The following LARP1B variants were observed in gnomAD, a reference collection of about 807,000 sequenced individuals.
The protein encoded by LARP1B is La ribonucleoprotein 1B.
LARP1B carries 76 observed loss-of-function variants against 114.2 expected under a neutral mutation model. The ratio of observed to expected loss-of-function variants is 0.67; its 90% CI spans 0.55 to 0.81. The LOEUF is 0.81. Among genes scored for constraint, LARP1B ranks in the 30% least tolerant of loss-of-function variants. LARP1B has a pLI of 0.00. For synonymous variants in LARP1B, 345 were observed against 348.0 expected, an observed-to-expected ratio of 0.99 and a Z score of 0.10; for missense variants, 1,014 against 1,075.8, an observed-to-expected ratio of 0.94 and a Z score of 0.80.
At chr4:128,169,378 G>T (rs1742546383) in intron 12 of LARP1B, among the ~76,000 whole-genome samples, 1 of 151,722 alleles carries the variant, frequency 6.6e-6, no homozygotes, top group Non-Finnish European at 1.5e-5. Flanking sequence ...CACCTAAGCA[G>T]TATTTTAGGT....
chr4:128,146,165 G>A (rs1380773403), intron 11 of LARP1B, among the ~76,000 whole-genome samples: 1 of 152,102 alleles, frequency 6.6e-6, no homozygotes, highest in Non-Finnish European at 1.5e-5. Flanking sequence ...TGTATCTTTT[G>A]TAGAGAAACT....
intron 11 of LARP1B, among the ~76,000 whole-genome samples, chr4:128,159,127 C>T (rs973193695): frequency 2.7e-5 from 4 of 148,942 alleles, no homozygotes; most frequent in Non-Finnish European, 4.4e-5. Flanking sequence ...GAGCTGTGGT[C>T]GTACCACTGC....
rs529630306 is a variant in LARP1B at position 128,127,881 on chromosome 4, A to G, written c.1524+5693A>G. On this transcript the variant is annotated intron_variant, in intron 11 of 19. Coordinates refer to ENST00000326639, the MANE Select transcript of LARP1B (RefSeq NM_018078.4). ...AGGACTCATATTTTATGATTTCAAA[A>G]CTTACTACAAAGCTGCAGTAATCAA... Among the ~76,000 whole-genome samples the G allele has an allele frequency of 3.3e-5, 5 of 152,326 alleles. No individual in the cohort carries two copies. The East Asian group carries it at 9.6e-4, about 29-fold the overall frequency.
chr4:128,146,862 G>A (rs1730561882), intron 11 of LARP1B, among the ~76,000 whole-genome samples: 1 of 152,138 alleles, frequency 6.6e-6, no homozygotes. Flanking sequence ...TCCTAGAGAA[G>A]CCTAGAACTT....
chr4:128,100,714 ATT>A (rs760824470), intron 8 of LARP1B, among the ~76,000 whole-genome samples: 9 of 151,786 alleles, frequency 5.9e-5, no homozygotes, highest in South Asian at 2.1e-4. Flanking sequence ...TTAAAAGATA[ATT>A]GTATGAGTTC....
chr4:128,196,825 TTAGA>T (rs138670601), intron 15 of LARP1B, among the ~76,000 whole-genome samples: 2,673 of 152,162 alleles, frequency 0.018, 62 homozygotes, highest in East Asian at 0.1. Flanking sequence ...CAACAAATGA[TTAGA>T]TAAACACATA....
chr4:128,061,905 T>C (rs1760256617), intron 1 of LARP1B: 1 of 985,076 alleles, frequency 1.0e-6, no homozygotes, highest in Admixed American at 6.2e-5. Context: ...GCGCTGGTGC[T>C]GGGACGCAGC....
chr4:128,090,315 C>T (rs147747355), intron 5 of LARP1B, among the ~76,000 whole-genome samples: 93 of 152,278 alleles, frequency 6.1e-4, no homozygotes, highest in African/African-American at 1.9e-3. Flanking sequence ...TCAGTTGATC[C>T]GCCCCCCTTG....
At chr4:128,135,973 TA>T (rs113610375) in intron 11 of LARP1B, among the ~76,000 whole-genome samples, 104 of 148,836 alleles carry the variant, frequency 7.0e-4, no homozygotes, top group African/African-American at 2.0e-3. Flanking sequence ...CATACCAAAT[TA>T]AAAAAAAAAT....
chr4:128,201,346 A>G (rs1056657267), intron 17 of LARP1B, among the ~76,000 whole-genome samples: 1 of 152,194 alleles, frequency 6.6e-6, no homozygotes, highest in African/African-American at 2.4e-5. Context: ...ATGAAATTAC[A>G]AAACTTTTCT....
chr4:128,158,056 A>G (rs1736641990), intron 11 of LARP1B, among the ~76,000 whole-genome samples: 1 of 152,176 alleles, frequency 6.6e-6, no homozygotes, highest in Non-Finnish European at 1.5e-5. Context: ...TTTTAAGGCA[A>G]AACTTATTCA....
At chr4:128,139,577 A>C (rs1293981258) in intron 11 of LARP1B, among the ~76,000 whole-genome samples, 1 of 107,350 alleles carries the variant, frequency 9.3e-6, no homozygotes, top group Non-Finnish European at 2.2e-5. Flanking sequence ...GTAACTGTAT[A>C]ACTGTTAAAA....
intron 15 of LARP1B, among the ~76,000 whole-genome samples, chr4:128,190,366 C>G (rs138825862): frequency 2.0e-5 from 3 of 152,162 alleles, no homozygotes; most frequent in African/African-American, 7.2e-5. Context: ...TTTTAAGGAT[C>G]TTCTCTTTGT....
chr4:128,127,543 C>T (rs1433724456), intron 11 of LARP1B, among the ~76,000 whole-genome samples: 3 of 152,064 alleles, frequency 2.0e-5, no homozygotes, highest in Non-Finnish European at 2.9e-5. Context: ...TAAAAAATAA[C>T]AAAATTACGG....
Position 128,122,208 on chromosome 4 carries a change from A to T in LARP1B, c.1524+20A>T, listed in dbSNP as rs753697369. 6.2e-7 allele frequency: 1 copy of T among 1,608,376 alleles called. No individual in the cohort carries two copies. Among genetic ancestry groups the T allele is most frequent in the East Asian group, 2.2e-5 (1 of 44,780 alleles). On this transcript the variant is annotated intron_variant, in intron 11 of 19. Coordinates refer to ENST00000326639, the MANE Select transcript of LARP1B (RefSeq NM_018078.4). ...ATAAAGGTAATTGTTTCTGGCCAAC[A>T]TCTTTCTACTGATGCTTTGTTTTGA...
chr4:128,178,783 T>C lies in LARP1B; in HGVS notation c.1896+141T>C, dbSNP rs578032890. 3.3e-5 allele frequency: 26 copies of C among 778,258 alleles called. No homozygotes were observed. In the African/African-American group the frequency reaches 4.2e-4, roughly 13 times the overall value. 48.2% of individuals were successfully genotyped at this position (778,258 alleles called of 1,614,324 possible). On this transcript the variant is annotated intron_variant, in intron 14 of 19. Coordinates refer to ENST00000326639, the MANE Select transcript of LARP1B (RefSeq NM_018078.4). Reference sequence around the variant, plus strand: ...ACTTAAAAATCATACTTTACCATAGTGATATTTTCTCTGGTTAGGAAATTT... The same window carrying C: ...ACTTAAAAATCATACTTTACCATAGCGATATTTTCTCTGGTTAGGAAATTT...
chr4:128,178,780 T>A, intron 14 of LARP1B, 138 bp downstream of exon 14: 7 of 774,374 alleles, frequency 9.0e-6, no homozygotes, highest in Non-Finnish European at 1.4e-5. Context: ...TACTTTACCA[T>A]AGTGATATTT....
At chr4:128,131,691 C>G (rs1791621934) in intron 11 of LARP1B, among the ~76,000 whole-genome samples, 1 of 152,090 alleles carries the variant, frequency 6.6e-6, no homozygotes, top group Non-Finnish European at 1.5e-5. Context: ...GCACTCCAGC[C>G]TGAGCAATCA....
intron 11 of LARP1B, chr4:128,155,896 C>A: frequency 6.5e-7 from 1 of 1,548,034 alleles, no homozygotes; most frequent in Non-Finnish European, 8.9e-7. Context: ...AGCCCACTGA[C>A]CCATCTGCAA....
Sources: gnomAD v4.1 joint callset for allele counts (sites outside exome capture counted in the v4.1 genomes callset) on GRCh38, gnomAD v4.1.1 for gene constraint, MANE v1.5 for transcripts, NCBI Gene and HGNC (gene_info 2026-07-23, HGNC 2026-07-21) for gene names.